Variants in TNS3 observed in about 807,000 individuals in gnomAD.
TNS3 encodes tensin-3.
TNS3 carries 45 observed loss-of-function variants against 140.9 expected under a neutral mutation model. The ratio of observed to expected loss-of-function variants is 0.32; its 90% CI spans 0.25 to 0.41. TNS3 has a LOEUF of 0.41. Ranked by LOEUF, TNS3 falls within the 10% of genes least tolerant of loss-of-function variation. The probability of loss-of-function intolerance (pLI) is 1.00; values close to 1 mark genes in which losing one functional copy is unlikely to be tolerated. For synonymous variants in TNS3, 815 were observed against 788.4 expected (o/e 1.03, Z -0.56); for missense variants, 1,716 against 1,906.7 (o/e 0.90, Z 1.86).
intron 1 of TNS3, among the ~76,000 whole-genome samples, chr7:47,548,745 TG>T: frequency 6.6e-6 from 1 of 152,130 alleles, no homozygotes; most frequent in South Asian, 2.1e-4. Flanking sequence ...TGCCGGCTGA[TG>T]GTCCTGACCA....
chr7:47,285,954 C>G (rs1050396151), intron 27 of TNS3, among the ~76,000 whole-genome samples: 1 of 152,170 alleles, frequency 6.6e-6, no homozygotes, highest in African/African-American at 2.4e-5. Flanking sequence ...AAAACCACGT[C>G]TGCTATGATT....
At chr7:47,282,040 G>T (rs1370353862) in intron 28 of TNS3, among the ~76,000 whole-genome samples, 1 of 151,106 alleles carries the variant, frequency 6.6e-6, no homozygotes, top group Non-Finnish European at 1.5e-5. Flanking sequence ...AGCCCACCAG[G>T]TAGATGATCC....
chr7:47,320,220 T>C (rs752508042), intron 20 of TNS3, among the ~76,000 whole-genome samples: 9 of 152,138 alleles, frequency 5.9e-5, no homozygotes, highest in Non-Finnish European at 1.3e-4. Context: ...TCTATACCTG[T>C]GAGGAGGCCG....
intron 3 of TNS3, among the ~76,000 whole-genome samples, chr7:47,492,763 G>C (rs1797860556): frequency 6.6e-6 from 1 of 152,332 alleles, no homozygotes; most frequent in Non-Finnish European, 1.5e-5. Flanking sequence ...TAAAATGAGG[G>C]GTGGGCCCCA....
intron 17 of TNS3, among the ~76,000 whole-genome samples, chr7:47,357,763 G>A (rs751593963): frequency 3.3e-5 from 5 of 152,114 alleles, no homozygotes; most frequent in Non-Finnish European, 7.3e-5. Flanking sequence ...AGGCGGAAGG[G>A]GGGAATCCCA....
At chr7:47,451,271 T>TAAA (rs1796001406) in intron 4 of TNS3, among the ~76,000 whole-genome samples, 2 of 152,022 alleles carry the variant, frequency 1.3e-5, no homozygotes, top group Non-Finnish European at 2.9e-5. Context: ...ACTAGCAGTG[T>TAAA]AAACAGCTCT....
upstream of TNS3, chr7:47,582,346 G>A (rs1178101584): frequency 1.3e-5 from 6 of 445,462 alleles, no homozygotes; most frequent in Admixed American, 1.2e-4. Context: ...GAGAGGACCT[G>A]GAATTATCAG....
chr7:47,474,117 A>AACAC (rs35049083), intron 4 of TNS3, among the ~76,000 whole-genome samples: 57,818 of 145,128 alleles, frequency 0.4, 12,538 homozygotes, highest in East Asian at 0.6. Flanking sequence ...AGCAAGTCTC[A>AACAC]ACACACACAC....
At chr7:47,316,616 A>G (rs1787426655) in intron 20 of TNS3, among the ~76,000 whole-genome samples, 1 of 150,512 alleles carries the variant, frequency 6.6e-6, no homozygotes. Context: ...ATCACTTGAG[A>G]TCAGGAGTTT....
At chr7:47,385,339 T>C (rs1792012986) in intron 16 of TNS3, among the ~76,000 whole-genome samples, 2 of 152,176 alleles carry the variant, frequency 1.3e-5, no homozygotes, top group Admixed American at 1.3e-4. Context: ...AGCTGCATGC[T>C]CGGAAGGTTG....
intron 3 of TNS3, among the ~76,000 whole-genome samples, chr7:47,499,596 C>G (rs1798134504): frequency 6.6e-6 from 1 of 152,200 alleles, no homozygotes; most frequent in Non-Finnish European, 1.5e-5. Flanking sequence ...TGCATATTAT[C>G]AAGTGAAGGA....
chr7:47,400,368 C>T, intron 15 of TNS3, 25 bp downstream of exon 15: 3 of 1,610,696 alleles, frequency 1.9e-6, no homozygotes, highest in Non-Finnish European at 2.5e-6. Flanking sequence ...GCAAGGACCA[C>T]CCAGTATTCC....
intron 4 of TNS3, chr7:47,470,362 T>C: frequency 1.2e-6 from 1 of 814,640 alleles, no homozygotes; most frequent in Non-Finnish European, 1.5e-6. Context: ...TAAAAACAAC[T>C]TTAAAAATCT....
intron 13 of TNS3, among the ~76,000 whole-genome samples, chr7:47,411,486 G>A (rs1793764863): frequency 6.6e-6 from 1 of 152,180 alleles, no homozygotes; most frequent in Non-Finnish European, 1.5e-5. Context: ...CTGATCTGAC[G>A]GGAGGCTCAG....
intron 4 of TNS3, chr7:47,470,766 T>G: frequency 1.1e-5 from 5 of 468,300 alleles, no homozygotes; most frequent in Non-Finnish European, 1.4e-5. Flanking sequence ...TGCTCCCGGG[T>G]GGATGTAAGC....
chr7:47,572,644 G>A (rs891188104), intron 1 of TNS3, among the ~76,000 whole-genome samples: 6 of 152,306 alleles, frequency 3.9e-5, no homozygotes, highest in African/African-American at 1.2e-4. Flanking sequence ...GGGAGGCCGA[G>A]GCGGGCAGAT....
At chr7:47,336,967 G>A (rs1272310092) in intron 20 of TNS3, among the ~76,000 whole-genome samples, 3 of 152,058 alleles carry the variant, frequency 2.0e-5, no homozygotes, top group Non-Finnish European at 2.9e-5. Flanking sequence ...ACGTCCAACC[G>A]TGGCAAGCTC....
intron 16 of TNS3, among the ~76,000 whole-genome samples, chr7:47,381,943 C>T (rs2470998): frequency 0.48 from 72,915 of 152,016 alleles, 18,604 homozygotes; most frequent in Non-Finnish European, 0.58. Context: ...ACACATCAAA[C>T]GAAAAGAGAT....
intron 2 of TNS3, among the ~76,000 whole-genome samples, chr7:47,517,803 G>C (rs1446832891): frequency 6.6e-6 from 1 of 152,178 alleles, no homozygotes; most frequent in African/African-American, 2.4e-5. Context: ...TAAAGGCGGA[G>C]GGAGGGTTCC....
Sources: allele counts gnomAD v4.1 joint callset (sites outside exome capture counted in the v4.1 genomes callset), GRCh38; gene constraint gnomAD v4.1.1; transcripts MANE v1.5; gene names NCBI Gene and HGNC (gene_info 2026-07-23, HGNC 2026-07-21).